The following YPEL5 variants were observed in gnomAD, a reference collection of about 807,000 sequenced individuals.
YPEL5 encodes yippee like 5.
A neutral mutation model predicts 10.5 loss-of-function variants in YPEL5; 1 was observed. The observed-to-expected ratio is 0.10, with a 90% CI of 0.03 to 0.45. YPEL5 has a LOEUF of 0.45. YPEL5 is among the 20% of genes least tolerant of loss of function. The pLI, the probability that YPEL5 is intolerant of heterozygous loss-of-function variation, is 0.97. For missense variants in YPEL5, 68 were observed against 159.3 expected (o/e 0.43, Z 3.09); for synonymous variants, 61 against 56.6 (o/e 1.08, Z -0.35).
chr2:30,149,263 T>C (rs913856472), intron 1 of YPEL5, among the ~76,000 whole-genome samples: 3 of 152,018 alleles, frequency 2.0e-5, no homozygotes, highest in African/African-American at 7.3e-5. Context: ...CAGGAAAAAA[T>C]AAGGCATTAT....
chr2:30,159,077 C>G lies in YPEL5; in HGVS notation c.*234C>G. 7.7e-6 allele frequency: 4 copies of G among 522,390 alleles called. No homozygotes were observed. The highest frequency in any genetic ancestry group is 1.4e-5 in the Non-Finnish European group (4 of 294,612). The allele number at this position is 522,390 out of a possible 1,614,324, so 32.4% of individuals were successfully genotyped here. A position where few individuals can be genotyped will look rare whatever the true frequency, so the allele number is the denominator to read the frequency against. ...ATGCAGATGCCGTTAATTTTTTACC[C>G]TATGTTTACATCTTGAGGCAGCAGA... On this transcript the variant is annotated 3_prime_UTR_variant, in exon 3 of 3. Transcript: ENST00000261353.
intron 1 of YPEL5, among the ~76,000 whole-genome samples, chr2:30,156,219 A>G (rs1472969709): frequency 1.3e-5 from 2 of 152,186 alleles, no homozygotes; most frequent in African/African-American, 4.8e-5. Flanking sequence ...AAACCTCACA[A>G]TTCTTTTCTG....
At chr2:30,158,143 G>A (rs1676122733) in intron 2 of YPEL5, among the ~76,000 whole-genome samples, 1 of 152,202 alleles carries the variant, frequency 6.6e-6, no homozygotes, top group South Asian at 2.1e-4. Flanking sequence ...ATGGTCTTTA[G>A]TAGGCTTAAT....
intron 1 of YPEL5, among the ~76,000 whole-genome samples, chr2:30,154,739 A>C (rs1449336665): frequency 6.6e-6 from 1 of 152,036 alleles, no homozygotes; most frequent in Non-Finnish European, 1.5e-5. Flanking sequence ...TAAATAATAA[A>C]TGTATTTTTT....
intron 1 of YPEL5, among the ~76,000 whole-genome samples, chr2:30,153,126 C>G (rs1196248897): frequency 6.6e-6 from 1 of 152,152 alleles, no homozygotes; most frequent in Non-Finnish European, 1.5e-5. Context: ...TGGTTTCGAT[C>G]TCCTGACGTC....
rs796907082 is a variant in YPEL5, at chr2:30,150,329, G to C, written c.-25+3267G>C. Among the ~76,000 whole-genome samples the C allele has an allele frequency of 3.9e-5, 6 of 152,334 alleles. 1 individual carries two copies. The highest frequency in any genetic ancestry group is 1.4e-4 in the African/African-American group (6 of 41,576). ...CACTGTGTGCTAGGCACCGTTCTCA[G>C]AATACAGTATCTCCACTTAATTTCT... On this transcript the variant is annotated intron_variant, in intron 1 of 2. Transcript: ENST00000261353.
rs1201253206 is a variant in YPEL5, at chr2:30,158,997, C to CT, written c.*163dup. 1.2e-4 allele frequency: 88 copies of CT among 727,106 alleles called. 1 individual carries two copies. Among genetic ancestry groups the CT allele is most frequent in the Non-Finnish European group, 1.5e-4 (67 of 457,282 alleles). The allele number at this position is 727,106 out of a possible 1,614,324, so 45.0% of individuals were successfully genotyped here. ...AGATGGAACCTTTCTTTCTTTCTTTCTTTTTTTTTAAATTTTGTATTTTCC... is the reference window on the plus strand; with the variant it reads ...AGATGGAACCTTTCTTTCTTTCTTTCTTTTTTTTTTAAATTTTGTATTTTCC... On this transcript the variant is annotated 3_prime_UTR_variant, in exon 3 of 3. Coordinates refer to ENST00000261353, the MANE Select transcript of YPEL5 (RefSeq NM_016061.3).
chr2:30,158,974 A>AT lies in YPEL5; in HGVS notation c.*132dup. 6.1e-6 allele frequency: 5 copies of AT among 820,904 alleles called. No individual in the cohort carries two copies. Among genetic ancestry groups the AT allele is most frequent in the Non-Finnish European group, 9.4e-6 (5 of 534,052 alleles). The allele number at this position is 820,904 out of a possible 1,614,324, so 50.9% of individuals were successfully genotyped here. A position where few individuals can be genotyped will look rare whatever the true frequency, so the allele number is the denominator to read the frequency against. ...GAACAAGAGGTTGTGAGAATCTAAG[A>AT]TGGAACCTTTCTTTCTTTCTTTCTT... On this transcript the variant is annotated 3_prime_UTR_variant, in exon 3 of 3. Transcript: ENST00000261353.
chr2:30,157,803 C>T (rs1272269655), intron 2 of YPEL5, among the ~76,000 whole-genome samples: 2 of 152,348 alleles, frequency 1.3e-5, no homozygotes, highest in East Asian at 1.9e-4. Flanking sequence ...ATGGCTCATA[C>T]TCTTTGACAT....
Position 30,159,879 on chromosome 2 carries a change from C to T in YPEL5, c.*1036C>T, listed in dbSNP as rs919763547. ...CCTCAGTTTTGCATTGATTTTTTGA[C>T]AAGTCTGTAGAGCCTAATAGTTTCC... On this transcript the variant is annotated 3_prime_UTR_variant, in exon 3 of 3. Transcript: ENST00000261353. 6 of 152,496 alleles carry T rather than the reference C, an allele frequency of 3.9e-5. No homozygotes were observed. The highest frequency in any genetic ancestry group is 8.8e-5 in the Non-Finnish European group (6 of 68,016). 9.4% of individuals were successfully genotyped at this position (152,496 alleles called of 1,614,324 possible). A position where few individuals can be genotyped will look rare whatever the true frequency, so the allele number is the denominator to read the frequency against.
chr2:30,153,696 G>A (rs923367723), intron 1 of YPEL5, among the ~76,000 whole-genome samples: 4 of 152,184 alleles, frequency 2.6e-5, no homozygotes, highest in Admixed American at 6.5e-5. Context: ...AGATCCTGTG[G>A]CATTCTAACT....
intron 2 of YPEL5, 83 bp from the exon 3 acceptor site, chr2:30,158,536 G>A: frequency 7.7e-7 from 1 of 1,304,598 alleles, no homozygotes; most frequent in Non-Finnish European, 1.1e-6. Flanking sequence ...TGAAGTTGCT[G>A]TTGCATTAAC....
chr2:30,156,845 G>A, intron 2 of YPEL5, 53 bp downstream of exon 2: 1 of 1,597,444 alleles, frequency 6.3e-7, no homozygotes, highest in Non-Finnish European at 8.6e-7. Flanking sequence ...GTATTTGACA[G>A]CAACACCAGA....
chr2:30,151,877 A>G (rs1028630204), intron 1 of YPEL5, among the ~76,000 whole-genome samples: 1 of 152,202 alleles, frequency 6.6e-6, no homozygotes, highest in African/African-American at 2.4e-5. Flanking sequence ...GGCTGAAGAG[A>G]TCTGGGATTA....
At chr2:30,151,046 C>T (rs965508212) in intron 1 of YPEL5, among the ~76,000 whole-genome samples, 20 of 152,134 alleles carry the variant, frequency 1.3e-4, no homozygotes, top group Admixed American at 4.6e-4. Context: ...AAACAGGTGG[C>T]GAGCTGAATT....
rs1023316598 is a variant in YPEL5 at position 30,159,187 on chromosome 2, A to G, written c.*344A>G. The G allele has an allele frequency of 4.7e-6, 1 of 213,962 alleles. No homozygotes were observed. Among genetic ancestry groups the G allele is most frequent in the African/African-American group, 2.3e-5 (1 of 43,246 alleles). 13.3% of individuals were successfully genotyped at this position (213,962 alleles called of 1,614,324 possible). A position where few individuals can be genotyped will look rare whatever the true frequency, so the allele number is the denominator to read the frequency against. On this transcript the variant is annotated 3_prime_UTR_variant, in exon 3 of 3. Transcript: ENST00000261353. Reference sequence around the variant, plus strand: ...AAAAGTGTGTTTTATGTCAATTGTGAAAGGAAAATGTTAGGAGTATGGTTT... The same window carrying G: ...AAAAGTGTGTTTTATGTCAATTGTGGAAGGAAAATGTTAGGAGTATGGTTT...
intron 1 of YPEL5, 31 bp from the exon 2 acceptor site, chr2:30,156,597 G>A: frequency 6.2e-7 from 1 of 1,600,622 alleles, no homozygotes; most frequent in Admixed American, 1.7e-5. Context: ...TTATTATAAT[G>A]CATTTGTTAT....
Position 30,149,898 on chromosome 2 carries a change from G to C in YPEL5, c.-25+2836G>C, listed in dbSNP as rs1184569834. 2.0e-5 allele frequency among the ~76,000 whole-genome samples: 3 copies of C among 152,240 alleles called. No individual in the cohort carries two copies. The East Asian group carries it at 5.8e-4, about 29-fold the overall frequency. ...TGAGGCGATGGTTTCATTTACTAAGGAAAAGTTTATCTGTGAACTGGGTGT... is the reference window on the plus strand; with the variant it reads ...TGAGGCGATGGTTTCATTTACTAAGCAAAAGTTTATCTGTGAACTGGGTGT... On this transcript the variant is annotated intron_variant, in intron 1 of 2. Coordinates refer to ENST00000261353, the MANE Select transcript of YPEL5 (RefSeq NM_016061.3).
At chr2:30,150,732 G>A (rs2103507964) in intron 1 of YPEL5, among the ~76,000 whole-genome samples, 1 of 152,264 alleles carries the variant, frequency 6.6e-6, no homozygotes, top group East Asian at 1.9e-4. Context: ...GGGAAAGACT[G>A]CTTTCTAAAT....
Sources: gnomAD v4.1 joint callset for allele counts (sites outside exome capture counted in the v4.1 genomes callset) on GRCh38, gnomAD v4.1.1 for gene constraint, MANE v1.5 for transcripts, NCBI Gene and HGNC (gene_info 2026-07-23, HGNC 2026-07-21) for gene names.